Variants in GRID1 observed in about 807,000 individuals in gnomAD.
The protein encoded by GRID1 is glutamate receptor ionotropic, delta-1.
GRID1 carries 28 observed loss-of-function variants against 98.0 expected under a neutral mutation model. The ratio of observed to expected loss-of-function variants is 0.29; its 90% CI spans 0.21 to 0.39. The LOEUF (loss-of-function observed/expected upper bound fraction) is 0.39, where lower values mean the gene tolerates loss of function less well. Ranked by LOEUF, GRID1 falls within the 10% of genes least tolerant of loss-of-function variation. GRID1 has a pLI of 1.00. For missense variants in GRID1, 1,111 were observed against 1,340.5 expected, an observed-to-expected ratio of 0.83 and a Z score of 2.67; for synonymous variants, 553 against 538.5, an observed-to-expected ratio of 1.03 and a Z score of -0.37.
intron 8 of GRID1, among the ~76,000 whole-genome samples, chr10:85,799,301 T>A (rs1345501997): frequency 6.6e-6 from 1 of 152,156 alleles, no homozygotes; most frequent in Admixed American, 6.5e-5. Context: ...TTCTTTTTGT[T>A]TAAGATTGCT....
intron 4 of GRID1, among the ~76,000 whole-genome samples, chr10:86,137,675 C>T (rs1220577359): frequency 2.0e-5 from 3 of 152,174 alleles, no homozygotes; most frequent in East Asian, 3.9e-4. Context: ...TCACTTCATA[C>T]AGGGCAACAT....
At chr10:86,223,035 A>C (rs559847661) in intron 2 of GRID1, among the ~76,000 whole-genome samples, 1 of 152,286 alleles carries the variant, frequency 6.6e-6, no homozygotes, top group African/African-American at 2.4e-5. Context: ...AAGCCTGGGC[A>C]TGTATGCTCC....
intron 2 of GRID1, among the ~76,000 whole-genome samples, chr10:86,296,187 G>A (rs1847586088): frequency 1.3e-5 from 2 of 152,212 alleles, no homozygotes; most frequent in Non-Finnish European, 2.9e-5. Flanking sequence ...GTGGCTCACC[G>A]TTAAGTGAAA....
At chr10:85,974,623 C>T (rs147632966) in intron 4 of GRID1, among the ~76,000 whole-genome samples, 1 of 152,290 alleles carries the variant, frequency 6.6e-6, no homozygotes, top group Non-Finnish European at 1.5e-5. Context: ...GCTAAATATG[C>T]TCCCCTATAT....
At chr10:86,093,123 T>C (rs533814683) in intron 4 of GRID1, among the ~76,000 whole-genome samples, 2 of 152,348 alleles carry the variant, frequency 1.3e-5, no homozygotes, top group South Asian at 4.1e-4. Flanking sequence ...AGCCTGCTCA[T>C]GAATGAGCAT....
chr10:86,188,465 C>G (rs1247352376), intron 3 of GRID1, among the ~76,000 whole-genome samples: 2 of 152,196 alleles, frequency 1.3e-5, no homozygotes, highest in Non-Finnish European at 2.9e-5. Flanking sequence ...CCAAGCTACC[C>G]CATCCCCCTG....
chr10:85,764,121 G>C (rs1009809311), intron 8 of GRID1, among the ~76,000 whole-genome samples: 1 of 152,182 alleles, frequency 6.6e-6, no homozygotes, highest in African/African-American at 2.4e-5. Context: ...CCCTGAAGTG[G>C]TGAGTCTTTC....
intron 7 of GRID1, among the ~76,000 whole-genome samples, 196 bp from the exon 8 acceptor site, chr10:85,854,811 G>A (rs1843093629): frequency 6.6e-6 from 1 of 152,162 alleles, no homozygotes; most frequent in Non-Finnish European, 1.5e-5. Flanking sequence ...TAGGATATTT[G>A]CTTATGGGAG....
intron 2 of GRID1, among the ~76,000 whole-genome samples, chr10:86,251,541 G>C (rs1166910498): frequency 6.6e-6 from 1 of 152,054 alleles, no homozygotes; most frequent in Non-Finnish European, 1.5e-5. Flanking sequence ...GAAAACCCTA[G>C]ATTTACAGCC....
Position 86,088,050 on chromosome 10 carries a change from C to T in GRID1, c.726+50769G>A, listed in dbSNP as rs150809249. Among the ~76,000 whole-genome samples the T allele has an allele frequency of 3.4e-3, 515 of 152,358 alleles. 1 individual carries two copies. The highest frequency in any genetic ancestry group is 4.8e-3 in the Non-Finnish European group (326 of 68,038). ...GCGGACTGTTCCAGCCCCACAAACG[C>T]TTCCGTGGCTTTGTATCCATTAAAG... On this transcript the variant is annotated intron_variant, in intron 4 of 15. Coordinates refer to ENST00000327946, the MANE Select transcript of GRID1 (RefSeq NM_017551.3).
chr10:86,244,829 G>C (rs1846695753), intron 2 of GRID1, among the ~76,000 whole-genome samples: 1 of 152,232 alleles, frequency 6.6e-6, no homozygotes, highest in South Asian at 2.1e-4. Flanking sequence ...TATGTGGGTT[G>C]AGCTAATGAG....
At chr10:85,751,895 A>G (rs1340744591) in intron 8 of GRID1, among the ~76,000 whole-genome samples, 8 of 152,190 alleles carry the variant, frequency 5.3e-5, no homozygotes, top group Non-Finnish European at 1.5e-5. Flanking sequence ...GAAATTTTAA[A>G]TAATTTTATG....
intron 2 of GRID1, among the ~76,000 whole-genome samples, chr10:86,249,172 G>C (rs1465918649): frequency 6.6e-6 from 1 of 152,200 alleles, no homozygotes; most frequent in Non-Finnish European, 1.5e-5. Flanking sequence ...ATTAGGTGGG[G>C]AGAGGGTCCC....
chr10:85,921,635 G>A (rs1841705070), intron 4 of GRID1, among the ~76,000 whole-genome samples: 1 of 152,230 alleles, frequency 6.6e-6, no homozygotes, highest in Non-Finnish European at 1.5e-5. Context: ...AGAATGTCAA[G>A]GGTGGAGGCA....
Position 85,599,801 on chromosome 10 carries a change from AAATAT to A in GRID1, c.*2467_*2471del, listed in dbSNP as rs1482482111. 9.9e-6 allele frequency: 1 copy of A among 101,466 alleles called. No individual in the cohort carries two copies. The highest frequency in any genetic ancestry group is 4.8e-5 in the African/African-American group (1 of 21,016). 6.3% of individuals were successfully genotyped at this position (101,466 alleles called of 1,614,324 possible). ...GGTAGAAAATTCTAAAAAAAAAAAA[AAATAT>A]ATATATATATATATAAACATGGTGA... On this transcript the variant is annotated 3_prime_UTR_variant, in exon 16 of 16. Transcript: ENST00000327946.
intron 3 of GRID1, among the ~76,000 whole-genome samples, chr10:86,147,446 T>C (rs1442208976): frequency 1.3e-5 from 2 of 152,126 alleles, no homozygotes; most frequent in South Asian, 4.1e-4. Flanking sequence ...AACTATACTA[T>C]AACGCTACAG....
chr10:86,339,517 G>A (rs1306516369), intron 2 of GRID1, among the ~76,000 whole-genome samples: 1 of 152,276 alleles, frequency 6.6e-6, no homozygotes, highest in Non-Finnish European at 1.5e-5. Flanking sequence ...ACTGCAGGAT[G>A]CACACCGAGG....
chr10:86,023,791 C>A (rs949063561), intron 4 of GRID1, among the ~76,000 whole-genome samples: 3 of 152,160 alleles, frequency 2.0e-5, no homozygotes, highest in Non-Finnish European at 2.9e-5. Flanking sequence ...GGTCTCCTAC[C>A]TCTCTAAGTT....
At chr10:86,021,012 T>C (rs1843041001) in intron 4 of GRID1, among the ~76,000 whole-genome samples, 1 of 151,072 alleles carries the variant, frequency 6.6e-6, no homozygotes, top group African/African-American at 2.4e-5. Context: ...CGTTTTTGTC[T>C]TTTCTGATTC....
Sources: allele counts gnomAD v4.1 joint callset (sites outside exome capture counted in the v4.1 genomes callset), GRCh38; gene constraint gnomAD v4.1.1; transcripts MANE v1.5; gene names NCBI Gene and HGNC (gene_info 2026-07-23, HGNC 2026-07-21).